Variants in USP34 observed in about 807,000 individuals in gnomAD.
USP34 encodes the protein ubiquitin carboxyl-terminal hydrolase 34.
A neutral mutation model predicts 460.3 loss-of-function variants in USP34; 70 were observed. That is an observed-to-expected ratio of 0.15 (90% CI 0.13 to 0.19). The LOEUF (loss-of-function observed/expected upper bound fraction) is 0.19, where lower values mean the gene tolerates loss of function less well. Ranked by LOEUF, USP34 falls within the 10% of genes least tolerant of loss-of-function variation. The probability of loss-of-function intolerance (pLI) is 1.00; values close to 1 mark genes in which losing one functional copy is unlikely to be tolerated. For synonymous variants in USP34, 1,647 were observed against 1,405.3 expected (o/e 1.17, Z -3.85); for missense variants, 3,985 against 4,236.2 (o/e 0.94, Z 1.65).
chr2:61,317,411 C>T (rs558975892), intron 23 of USP34, among the ~76,000 whole-genome samples: 1 of 152,048 alleles, frequency 6.6e-6, no homozygotes, highest in East Asian at 1.9e-4. Flanking sequence ...TCTGTAATCC[C>T]AGCTACTTCG....
chr2:61,243,358 G>A (rs1005769691), intron 51 of USP34, among the ~76,000 whole-genome samples: 3 of 151,866 alleles, frequency 2.0e-5, no homozygotes, highest in Non-Finnish European at 2.9e-5. Context: ...CATTGGCCAT[G>A]CTGGTGTTGA....
intron 65 of USP34, among the ~76,000 whole-genome samples, chr2:61,222,338 T>A (rs1382888104): frequency 6.6e-6 from 1 of 152,238 alleles, no homozygotes; most frequent in Admixed American, 6.5e-5. Context: ...TGGGCACAAT[T>A]AGGATATATG....
intron 1 of USP34, among the ~76,000 whole-genome samples, chr2:61,439,203 GCAGTTCGAAAC>G (rs1694898534): frequency 1.3e-5 from 2 of 152,310 alleles, no homozygotes; most frequent in South Asian, 4.1e-4. Context: ...CTTGAGCTCA[GCAGTTCGAAAC>G]CAGCCTGGGT....
intron 1 of USP34, among the ~76,000 whole-genome samples, chr2:61,423,306 T>G (rs1694415962): frequency 6.6e-6 from 1 of 151,952 alleles, no homozygotes; most frequent in Admixed American, 6.6e-5. Context: ...GAGAGGGAGT[T>G]TCACCATGAT....
At chr2:61,237,215 GCTGTAGCCCCTGTATCAGACT>G (rs1400126957) in intron 53 of USP34, among the ~76,000 whole-genome samples, 1 of 152,072 alleles carries the variant, frequency 6.6e-6, no homozygotes, top group African/African-American at 2.4e-5. Flanking sequence ...TTTCTATTAA[GCTGTAGCCCCTGTATCAGACT>G]CTGTATCAGG....
intron 1 of USP34, among the ~76,000 whole-genome samples, chr2:61,448,167 G>C (rs1695171627): frequency 6.6e-6 from 1 of 152,216 alleles, no homozygotes; most frequent in East Asian, 1.9e-4. Flanking sequence ...CAATGAAAAT[G>C]TCAACACAAT....
At chr2:61,325,507 C>G (rs756237328) in intron 20 of USP34, 50 bp from the exon 21 acceptor site, 6 of 1,271,812 alleles carry the variant, frequency 4.7e-6, no homozygotes, top group African/African-American at 1.6e-5. Flanking sequence ...TTCTTAATTA[C>G]TTTTAAAAAT....
Position 61,306,643 on chromosome 2 carries a change from A to G in USP34, c.3817+4897T>C, listed in dbSNP as rs545424121. Among the ~76,000 whole-genome samples the G allele has an allele frequency of 2.0e-5, 3 of 152,322 alleles. No homozygotes were observed. The East Asian group carries it at 5.8e-4, about 29-fold the overall frequency. The stretch of plus-strand genomic sequence containing the variant: ...TGAGGGGATGGCACTGCATCTATAA[A>G]TTACCTTGGTCAGTATGGCCAGACA... On this transcript the variant is annotated intron_variant, in intron 27 of 79. Coordinates refer to ENST00000398571, the MANE Select transcript of USP34 (RefSeq NM_014709.4).
intron 3 of USP34, among the ~76,000 whole-genome samples, chr2:61,402,296 T>C (rs923911183): frequency 6.6e-6 from 1 of 151,844 alleles, no homozygotes; most frequent in Non-Finnish European, 1.5e-5. Flanking sequence ...GGAAAAAAAT[T>C]AAAACTAGGC....
At chr2:61,430,599 T>C (rs542211264) in intron 1 of USP34, among the ~76,000 whole-genome samples, 1 of 152,278 alleles carries the variant, frequency 6.6e-6, no homozygotes, top group South Asian at 2.1e-4. Context: ...ACCCTTACAA[T>C]AGACTAACCT....
chr2:61,416,981 C>A, intron 2 of USP34: 1 of 1,312,314 alleles, frequency 7.6e-7, no homozygotes, highest in Non-Finnish European at 1.1e-6. Context: ...GCCACCATAT[C>A]TTCAAATTCA....
chr2:61,389,082 T>C (rs1356558256), intron 5 of USP34, among the ~76,000 whole-genome samples: 2 of 152,096 alleles, frequency 1.3e-5, no homozygotes, highest in East Asian at 1.9e-4. Context: ...CAAAACCAAA[T>C]TGTAGTGTTT....
intron 76 of USP34, among the ~76,000 whole-genome samples, chr2:61,191,695 A>AG (rs1686648501): frequency 6.6e-6 from 1 of 152,224 alleles, no homozygotes; most frequent in African/African-American, 2.4e-5. Flanking sequence ...AGTCAAGCGA[A>AG]GGGAGTCCTG....
chr2:61,390,901 C>T (rs1434523323), intron 5 of USP34, among the ~76,000 whole-genome samples: 2 of 151,494 alleles, frequency 1.3e-5, no homozygotes, highest in Non-Finnish European at 2.9e-5. Context: ...TTGAGACCAT[C>T]CTGGCCAACA....
chr2:61,280,362 T>G lies in USP34; in HGVS notation c.5152-14A>C, dbSNP rs1572896715. 6.0e-6 allele frequency: 8 copies of G among 1,330,172 alleles called. No individual in the cohort carries two copies. In the East Asian group the frequency reaches 1.3e-4, roughly 22 times the overall value. The allele number at this position is 1,330,172 out of a possible 1,614,324, so 82.4% of individuals were successfully genotyped here. On this transcript the variant is annotated splice_polypyrimidine_tract_variant and intron_variant, in intron 38 of 79. Transcript: ENST00000398571. ...ATAATCATCTATCTATTAAAAAAAT[T>G]TTATACTTTGTGAAAACATTTTAAA...
Position 61,351,947 on chromosome 2 carries a change from A to T in USP34, c.1252-1254T>A, listed in dbSNP as rs558630999. Among the ~76,000 whole-genome samples, 24 of 152,340 alleles carry T rather than the reference A, an allele frequency of 1.6e-4. 1 individual carries two copies. The South Asian group carries it at 5.0e-3, about 32-fold the overall frequency. On this transcript the variant is annotated intron_variant, in intron 10 of 79. Coordinates refer to ENST00000398571, the MANE Select transcript of USP34 (RefSeq NM_014709.4). ...TTACAGGTCTTGACTAAGAATGTTAATTTAAATATAGTATTAAATAACATT... is the reference window on the plus strand; with the variant it reads ...TTACAGGTCTTGACTAAGAATGTTATTTTAAATATAGTATTAAATAACATT...
rs758908871 is a variant in USP34 at position 61,347,874 on chromosome 2, C to CGTG, written c.2278_2280dup (p.His760dup). 3.5e-5 allele frequency: 57 copies of CGTG among 1,611,380 alleles called. No individual in the cohort carries two copies. In the South Asian group the frequency reaches 4.6e-4, roughly 13 times the overall value. ...TTTATTTTGAAGTAGGCTTACCCAT[C>CGTG]GTGGTGGTGGTGATGGTGGTGGTGG... On this transcript the variant is annotated inframe_insertion, in exon 15 of 80. Transcript: ENST00000398571.
chr2:61,226,130 G>A, intron 62 of USP34, among the ~76,000 whole-genome samples: 1 of 151,976 alleles, frequency 6.6e-6, no homozygotes, highest in East Asian at 1.9e-4. Flanking sequence ...CCTGGCTGAG[G>A]GCCATTTTAA....
Position 61,348,394 on chromosome 2 carries a change from A to G in USP34, c.1761T>C (p.Asp587=), listed in dbSNP as rs1263564317. The G allele has an allele frequency of 9.3e-6, 15 of 1,613,992 alleles. No homozygotes were observed. The highest frequency in any genetic ancestry group is 1.3e-5 in the Non-Finnish European group (15 of 1,180,026). The change falls in exon 15 of 80, where the codon GAT becomes GAC. Residue 587 remains aspartate (D), a synonymous_variant. Transcript: ENST00000398571. ...SGPGSSSGHS[D]GSSNEVNSSH... is the part of the protein sequence containing the mutation. The stretch of plus-strand genomic sequence containing the variant: ...TAGAATTAACCTCATTGCTAGATCC[A>G]TCACTATGCCCACTACTGCTACCAG...
Sources: allele counts gnomAD v4.1 joint callset (sites outside exome capture counted in the v4.1 genomes callset), GRCh38; gene constraint gnomAD v4.1.1; transcripts MANE v1.5; gene names NCBI Gene and HGNC (gene_info 2026-07-23, HGNC 2026-07-21).